The following TMTC2 variants were observed in gnomAD, a reference collection of about 807,000 sequenced individuals.
TMTC2 encodes transmembrane O-mannosyltransferase targeting cadherins 2, also known as protein O-mannosyl-transferase TMTC2.
Under a neutral mutation model 82.4 loss-of-function variants are expected in TMTC2, and 43 were observed. The observed-to-expected ratio is 0.52, with a 90% CI of 0.41 to 0.67. The LOEUF is 0.67. TMTC2 is among the 30% of genes least tolerant of loss of function. TMTC2 has a pLI of 0.00. For synonymous variants in TMTC2, 408 were observed against 381.9 expected, an observed-to-expected ratio of 1.07 and a Z score of -0.80; for missense variants, 919 against 1,012.4, an observed-to-expected ratio of 0.91 and a Z score of 1.25.
At chr12:82,923,146 A>AC (rs140336008) in intron 3 of TMTC2, among the ~76,000 whole-genome samples, 9,731 of 152,208 alleles carry the variant, frequency 0.064, 403 homozygotes, top group Middle Eastern at 0.088. Flanking sequence ...CAACATCCCT[A>AC]CCAGTAGTTG....
intron 1 of TMTC2, among the ~76,000 whole-genome samples, chr12:82,752,473 G>C (rs146611887): frequency 0.019 from 2,879 of 152,094 alleles, 77 homozygotes; most frequent in African/African-American, 0.066. Flanking sequence ...GCGACAGAGC[G>C]AGACTCCATC....
intron 1 of TMTC2, among the ~76,000 whole-genome samples, chr12:82,777,140 G>T (rs1245385301): frequency 2.0e-5 from 3 of 152,078 alleles, no homozygotes; most frequent in African/African-American, 7.2e-5. Flanking sequence ...CCTTGAATTT[G>T]CTATGTTAGT....
chr12:83,047,431 A>G (rs1004672397), intron 9 of TMTC2, among the ~76,000 whole-genome samples: 1 of 152,204 alleles, frequency 6.6e-6, no homozygotes. Context: ...TTTCAATGTA[A>G]TGTAGCAGAA....
At chr12:82,868,854 T>C (rs2137132952) in intron 2 of TMTC2, among the ~76,000 whole-genome samples, 1 of 152,228 alleles carries the variant, frequency 6.6e-6, no homozygotes, top group African/African-American at 2.4e-5. Flanking sequence ...GTTGTTGTTG[T>C]TGTTGTTCAG....
At chr12:82,747,498 G>A (rs531806771) in intron 1 of TMTC2, among the ~76,000 whole-genome samples, 1 of 152,212 alleles carries the variant, frequency 6.6e-6, no homozygotes, top group South Asian at 2.1e-4. Flanking sequence ...CTAAATAATG[G>A]TAATTTCTCT....
chr12:82,990,638 C>T (rs930758437), intron 8 of TMTC2, among the ~76,000 whole-genome samples: 1 of 152,024 alleles, frequency 6.6e-6, no homozygotes, highest in African/African-American at 2.4e-5. Context: ...ATGACACATA[C>T]ATATGTGTCT....
At chr12:82,907,479 A>G (rs996339882) in intron 3 of TMTC2, among the ~76,000 whole-genome samples, 3 of 151,902 alleles carry the variant, frequency 2.0e-5, no homozygotes, top group South Asian at 2.1e-4. Context: ...ATCTCAAAAA[A>G]AAAAAAAGAA....
At chr12:82,909,158 G>A (rs185990940) in intron 3 of TMTC2, among the ~76,000 whole-genome samples, 1 of 152,126 alleles carries the variant, frequency 6.6e-6, no homozygotes, top group Admixed American at 6.5e-5. Flanking sequence ...TGCTAGTTAA[G>A]TGATGAAGTC....
At chr12:82,921,565 G>T (rs925203978) in intron 3 of TMTC2, among the ~76,000 whole-genome samples, 30 of 152,240 alleles carry the variant, frequency 2.0e-4, no homozygotes, top group African/African-American at 6.5e-4. Flanking sequence ...AGGCCCTTGA[G>T]ATGGAGCAGT....
At position 82,896,339 on chromosome 12, in the gene TMTC2, C is replaced by T. The variant is rs558456999; in HGVS notation, c.1176C>T (p.Asn392=). 3 of 1,614,052 alleles carry T rather than the reference C, an allele frequency of 1.9e-6. No homozygotes were observed. In the African/African-American group the frequency reaches 4.0e-5, roughly 22 times the overall value. The change falls in exon 3 of 12, where the codon AAC becomes AAT. Residue 392 remains asparagine, a synonymous_variant. Coordinates refer to ENST00000321196, the MANE Select transcript of TMTC2 (RefSeq NM_152588.3). ...GAACCCAGCTTCCTTCTACGGAGAA[C>T]ATTGTTGTTCTGTCTTTATCTTTGT... ...SQRTQLPSTE[N]IVVLSLSLLI... is the part of the protein sequence containing the mutation.
In TMTC2 at chr12:82,857,253, C is replaced by G. The variant is rs111609927; in HGVS notation, c.327C>G (p.Leu109=). The change falls in exon 2 of 12, where the codon CTC becomes CTG. Residue 109 remains leucine (L), a synonymous_variant. Transcript: ENST00000321196. The part of the protein sequence containing the change: ...TGLFTSFSKI[L]LGDGYWTFMA... ...TCTTCACAAGCTTCTCCAAGATCCT[C>G]CTTGGTGATGGATACTGGACATTCA... is the stretch of plus-strand genomic sequence containing the variant. The G allele has an allele frequency of 6.2e-6, 10 of 1,614,172 alleles. No homozygotes were observed. The highest frequency in any genetic ancestry group is 1.3e-5 in the African/African-American group (1 of 75,040).
At chr12:83,088,110 C>T (rs1427693182) in intron 11 of TMTC2, among the ~76,000 whole-genome samples, 2 of 152,208 alleles carry the variant, frequency 1.3e-5, no homozygotes, top group South Asian at 2.1e-4. Context: ...AGTAGCCTCA[C>T]CTGGCATTTT....
chr12:82,746,285 A>G (rs1297431047), intron 1 of TMTC2, among the ~76,000 whole-genome samples: 1 of 152,198 alleles, frequency 6.6e-6, no homozygotes, highest in Non-Finnish European at 1.5e-5. Flanking sequence ...CATCTTGTCC[A>G]TAGGTCTAAT....
At chr12:82,978,874 G>A (rs539797502) in intron 7 of TMTC2, among the ~76,000 whole-genome samples, 1 of 151,732 alleles carries the variant, frequency 6.6e-6, no homozygotes, top group Non-Finnish European at 1.5e-5. Flanking sequence ...AGAGTTGGGT[G>A]CGTATATATT....
intron 8 of TMTC2, among the ~76,000 whole-genome samples, chr12:83,017,670 CAGTGGAAACAAGAGAGA>C (rs1396807463): frequency 8.9e-4 from 135 of 152,176 alleles, no homozygotes; most frequent in African/African-American, 3.2e-3. Context: ...GACTGGAAAG[CAGTGGAAACAAGAGAGA>C]ATGACATGAA....
At chr12:82,779,792 C>T (rs949909358) in intron 1 of TMTC2, among the ~76,000 whole-genome samples, 16 of 152,040 alleles carry the variant, frequency 1.1e-4, no homozygotes, top group South Asian at 8.3e-4. Context: ...CCCAGCTACT[C>T]GGGAGGCTGA....
Position 82,806,688 on chromosome 12 carries a change from A to T in TMTC2, c.84-50322A>T, listed in dbSNP as rs146864450. ...GTAAAGTAAGTTAGAGAAAAATATT[A>T]ACGGAAATATCTTAAGAGAGAAAAA... On this transcript the variant is annotated intron_variant, in intron 1 of 11. Coordinates refer to ENST00000321196, the MANE Select transcript of TMTC2 (RefSeq NM_152588.3). Among the ~76,000 whole-genome samples the T allele has an allele frequency of 8.7e-3, 1,316 of 152,110 alleles. 23 individuals carry two copies. Among genetic ancestry groups the T allele is most frequent in the African/African-American group, 0.03 (1,266 of 41,518 alleles).
rs146305316 is a variant in TMTC2 at position 83,023,150 on chromosome 12, C to T, written c.2071-7648C>T. 5.7e-4 allele frequency among the ~76,000 whole-genome samples: 87 copies of T among 152,218 alleles called. 1 individual carries two copies. The highest frequency in any genetic ancestry group is 1.9e-3 in the African/African-American group (79 of 41,534). Reference sequence around the variant, plus strand: ...GTTACATATTACCGTATTTTAATAGCGTGTCATATGAACACCTGTTTTTAT... The same window carrying T: ...GTTACATATTACCGTATTTTAATAGTGTGTCATATGAACACCTGTTTTTAT... On this transcript the variant is annotated intron_variant, in intron 8 of 11. Coordinates refer to ENST00000321196, the MANE Select transcript of TMTC2 (RefSeq NM_152588.3).
chr12:82,691,083 T>C (rs1195687266), intron 1 of TMTC2, among the ~76,000 whole-genome samples: 1 of 152,206 alleles, frequency 6.6e-6, no homozygotes, highest in African/African-American at 2.4e-5. Context: ...TATCTTCTAA[T>C]TGGTGACATG....
Sources: gnomAD v4.1 joint callset for allele counts (sites outside exome capture counted in the v4.1 genomes callset) on GRCh38, gnomAD v4.1.1 for gene constraint, MANE v1.5 for transcripts, NCBI Gene and HGNC (gene_info 2026-07-23, HGNC 2026-07-21) for gene names.